Variants in ARHGEF18 observed in about 807,000 individuals in gnomAD.
ARHGEF18 encodes Rho/Rac guanine nucleotide exchange factor 18, also known as rho guanine nucleotide exchange factor 18.
A neutral mutation model predicts 155.7 loss-of-function variants in ARHGEF18; 93 were observed. The observed-to-expected ratio is 0.60, with a 90% CI of 0.50 to 0.71. The LOEUF (loss-of-function observed/expected upper bound fraction) is 0.71, where lower values mean the gene tolerates loss of function less well. Among genes scored for constraint, ARHGEF18 ranks in the 30% least tolerant of loss-of-function variants. ARHGEF18 has a pLI of 0.00. For synonymous variants in ARHGEF18, 742 were observed against 753.1 expected (o/e 0.99, Z 0.24); for missense variants, 1,593 against 1,816.1 (o/e 0.88, Z 2.23).
At position 7,462,351 on chromosome 19, in the gene ARHGEF18, C is replaced by A; in HGVS notation, c.2635+17C>A. On this transcript the variant is annotated intron_variant, in intron 21 of 28. Coordinates refer to ENST00000668164, the MANE Select transcript of ARHGEF18 (RefSeq NM_001367823.1). This position sits in a 1 kb window ranked among gnomAD's most constrained non-coding sequence, Gnocchi z 4.4. The stretch of plus-strand genomic sequence containing the variant: ...TGAGCGAGAGTAAGTTGGCTGCCCA[C>A]ACCTCAAGGGTGCAGTCTTGCCGGG... 6.4e-7 allele frequency: 1 copy of A among 1,572,602 alleles called. No individual in the cohort carries two copies. The highest frequency in any genetic ancestry group is 8.6e-7 in the Non-Finnish European group (1 of 1,160,924).
At chr19:7,456,674 G>T (rs1437635262) in intron 18 of ARHGEF18, among the ~76,000 whole-genome samples, 1 of 152,202 alleles carries the variant, frequency 6.6e-6, no homozygotes, top group African/African-American at 2.4e-5. Flanking sequence ...CTGAGATTGT[G>T]CCACTGCTCT....
chr19:7,455,234 C>T (rs149962148), intron 17 of ARHGEF18, among the ~76,000 whole-genome samples: 92 of 152,236 alleles, frequency 6.0e-4, no homozygotes, highest in African/African-American at 2.1e-3. Context: ...TACACCCCAC[C>T]GGGCAAGACC....
chr19:7,429,037 G>A (rs1274001094), intron 10 of ARHGEF18, among the ~76,000 whole-genome samples: 3 of 152,252 alleles, frequency 2.0e-5, no homozygotes, highest in African/African-American at 7.2e-5. Flanking sequence ...CCCGAGGGCA[G>A]GGGCACGCCA....
At chr19:7,401,664 T>C (rs1972024826) in intron 10 of ARHGEF18, among the ~76,000 whole-genome samples, 1 of 152,168 alleles carries the variant, frequency 6.6e-6, no homozygotes, top group Non-Finnish European at 1.5e-5. Flanking sequence ...TGTAGCTGCC[T>C]TGGGAAACAG....
chr19:7,475,195 G>C (rs113361978), downstream of ARHGEF18, among the ~76,000 whole-genome samples: 1 of 152,038 alleles, frequency 6.6e-6, no homozygotes, highest in East Asian at 1.9e-4. Flanking sequence ...TCGCGCCACC[G>C]CACTCCAGCC....
intron 10 of ARHGEF18, among the ~76,000 whole-genome samples, chr19:7,414,702 T>C (rs960674139): frequency 6.6e-6 from 1 of 151,634 alleles, no homozygotes; most frequent in South Asian, 2.1e-4. Flanking sequence ...CCAGCTACTC[T>C]GGAGGCTGAG....
intron 1 of ARHGEF18, among the ~76,000 whole-genome samples, chr19:7,349,724 GC>G (rs139808116): frequency 1.1e-3 from 160 of 152,108 alleles, no homozygotes; most frequent in Non-Finnish European, 1.8e-3. Flanking sequence ...GTTGAAGTGA[GC>G]CTCTCAGTCT....
intron 7 of ARHGEF18, among the ~76,000 whole-genome samples, chr19:7,379,420 G>C (rs191872187): frequency 1.3e-5 from 2 of 152,150 alleles, no homozygotes; most frequent in African/African-American, 4.8e-5. Flanking sequence ...TTAGCCAGGC[G>C]TGGTGGCACG....
At chr19:7,446,502 G>A (rs1974999716) in intron 14 of ARHGEF18, among the ~76,000 whole-genome samples, 1 of 152,092 alleles carries the variant, frequency 6.6e-6, no homozygotes, top group Non-Finnish European at 1.5e-5. Context: ...CAGCACTTTG[G>A]GAAGATGAGG....
intron 8 of ARHGEF18, 51 bp downstream of exon 8, chr19:7,381,045 T>G (rs1289328116): frequency 9.9e-6 from 12 of 1,207,294 alleles, no homozygotes; most frequent in Non-Finnish European, 1.1e-5. Flanking sequence ...TTCGAACAAG[T>G]GTTTACAGAT....
At position 7,466,804 on chromosome 19, in the gene ARHGEF18, CAAAAAAA is replaced by C. The variant is rs965666634; in HGVS notation, c.2905-98_2905-92del. 1.6e-3 allele frequency: 769 copies of C among 495,966 alleles called. 1 individual carries two copies. Among genetic ancestry groups the C allele is most frequent in the South Asian group, 2.6e-3 (104 of 39,826 alleles). 30.7% of individuals were successfully genotyped at this position (495,966 alleles called of 1,614,324 possible). ...GGGCAACAAGAGCAGAATTCCGTCT[CAAAAAAA>C]AAAAAAAAAAAAAAAGTTAAAAAAA... On this transcript the variant is annotated intron_variant, in intron 23 of 28. Transcript: ENST00000668164.
chr19:7,351,933 G>A (rs752446497), intron 1 of ARHGEF18, among the ~76,000 whole-genome samples: 1 of 152,084 alleles, frequency 6.6e-6, no homozygotes, highest in Non-Finnish European at 1.5e-5. Context: ...GACCTCAGGT[G>A]ATCCACCTGC....
the ARHGEF18 span, chr19:7,478,343 CCT>C: frequency 6.2e-7 from 1 of 1,611,278 alleles, no homozygotes; most frequent in East Asian, 2.2e-5. Context: ...GGCTCCGCAG[CCT>C]CTGTCTCAGT....
Position 7,470,362 on chromosome 19 carries a change from A to AC in ARHGEF18, c.*69dup. The AC allele has an allele frequency of 7.4e-7, 1 of 1,356,120 alleles. No individual in the cohort carries two copies. The highest frequency in any genetic ancestry group is 9.5e-7 in the Non-Finnish European group (1 of 1,049,636). 84.0% of individuals were successfully genotyped at this position (1,356,120 alleles called of 1,614,324 possible). A position where few individuals can be genotyped will look rare whatever the true frequency, so the allele number is the denominator to read the frequency against. Reference sequence around the variant, plus strand: ...TGCCCACCCTTCCTGCTCTCTGGGGACCCCCATGGGGTCACCATGCCCACC... The same window carrying AC: ...TGCCCACCCTTCCTGCTCTCTGGGGACCCCCCATGGGGTCACCATGCCCACC... On this transcript the variant is annotated 3_prime_UTR_variant, in exon 29 of 29. Coordinates refer to ENST00000668164, the MANE Select transcript of ARHGEF18 (RefSeq NM_001367823.1). The surrounding 1 kb of genome is among the most constrained non-coding windows in gnomAD (Gnocchi z 5.9).
At chr19:7,359,743 T>C (rs1600176021) in intron 1 of ARHGEF18, among the ~76,000 whole-genome samples, 1 of 143,856 alleles carries the variant, frequency 7.0e-6, no homozygotes, top group Middle Eastern at 3.5e-3. Context: ...ACACAAAGAT[T>C]GGAGTTCAAT....
intron 10 of ARHGEF18, among the ~76,000 whole-genome samples, chr19:7,385,925 TCTCTCTCTCTCCCCCTCTCC>T (rs1280337119): frequency 1.3e-5 from 1 of 77,226 alleles, no homozygotes; most frequent in African/African-American, 6.5e-5. Context: ...CCTCTCTCTC[TCTCTCTCTCTCCCCCTCTCC>T]CTCTCTCTCT....
At chr19:7,434,395 T>C (rs1180950811) in intron 10 of ARHGEF18, among the ~76,000 whole-genome samples, 2 of 152,136 alleles carry the variant, frequency 1.3e-5, no homozygotes, top group Admixed American at 6.6e-5. Flanking sequence ...GTATATTTTT[T>C]CCCCCTCAGG....
intron 15 of ARHGEF18, among the ~76,000 whole-genome samples, chr19:7,450,886 C>T (rs76047251): frequency 0.15 from 128 of 878 alleles, 2 homozygotes; most frequent in East Asian, 0.35. Flanking sequence ...GATGTTAATG[C>T]GGGGTCTTGC....
intron 19 of ARHGEF18, among the ~76,000 whole-genome samples, chr19:7,459,578 A>C (rs1160719326): frequency 6.6e-6 from 1 of 152,066 alleles, no homozygotes; most frequent in Non-Finnish European, 1.5e-5. Flanking sequence ...AGACTCCCCC[A>C]TCCACAGTAG....
Sources: gnomAD v4.1 joint callset for allele counts (sites outside exome capture counted in the v4.1 genomes callset) on GRCh38, gnomAD v4.1.1 for gene constraint, Gnocchi (gnomAD v3.1) non-coding constraint, MANE v1.5 for transcripts, NCBI Gene and HGNC (gene_info 2026-07-23, HGNC 2026-07-21) for gene names.